The following CACNA1C variants were observed in gnomAD, a reference collection of about 807,000 sequenced individuals.
The protein encoded by CACNA1C is voltage-dependent L-type calcium channel subunit alpha-1C.
In CACNA1C, 30 loss-of-function variants were observed where a neutral mutation model predicts 229.0. The ratio of observed to expected loss-of-function variants is 0.13; its 90% CI spans 0.10 to 0.18. The LOEUF (loss-of-function observed/expected upper bound fraction) is 0.18, where lower values mean the gene tolerates loss of function less well. Ranked by LOEUF, CACNA1C falls within the 10% of genes least tolerant of loss-of-function variation. The probability of loss-of-function intolerance (pLI) is 1.00; values close to 1 mark genes in which losing one functional copy is unlikely to be tolerated. For synonymous variants in CACNA1C, 1,114 were observed against 1,132.5 expected (o/e 0.98, Z 0.33); for missense variants, 1,658 against 2,845.0 (o/e 0.58, Z 9.49).
rs139887818 is a variant in CACNA1C at position 2,364,916 on chromosome 12, A to G, written c.478-84060A>G. Among the ~76,000 whole-genome samples the G allele has an allele frequency of 2.8e-3, 420 of 152,352 alleles. 2 individuals are homozygous for G. The highest frequency in any genetic ancestry group is 0.014 in the Middle Eastern group (4 of 294). ...TAGAACAAGCAGGGGCTTGCAGAGA[A>G]TGAGAATACCACATGGGCCTCTGCG... On this transcript the variant is annotated intron_variant, in intron 3 of 46. Coordinates refer to ENST00000399655, the MANE Select transcript of CACNA1C (RefSeq NM_000719.7).
intron 3 of CACNA1C, among the ~76,000 whole-genome samples, chr12:2,396,760 A>G (rs986962199): frequency 6.6e-6 from 1 of 152,258 alleles, no homozygotes; most frequent in African/African-American, 2.4e-5. Flanking sequence ...TTAATGTTTC[A>G]TTAGCGGTTT....
At chr12:2,376,523 G>A (rs1280767413) in intron 3 of CACNA1C, among the ~76,000 whole-genome samples, 3 of 152,174 alleles carry the variant, frequency 2.0e-5, no homozygotes, top group Non-Finnish European at 2.9e-5. Context: ...GCACAGCTTA[G>A]GCGGACAGGT....
intron 3 of CACNA1C, among the ~76,000 whole-genome samples, chr12:2,207,684 T>A (rs1262538507): frequency 6.6e-6 from 1 of 152,034 alleles, no homozygotes; most frequent in Non-Finnish European, 1.5e-5. Context: ...TGTGGTGGTG[T>A]GCACCTGTAG....
At chr12:2,148,405 T>C (rs1301338011) in intron 3 of CACNA1C, among the ~76,000 whole-genome samples, 1 of 151,384 alleles carries the variant, frequency 6.6e-6, no homozygotes, top group East Asian at 1.9e-4. Flanking sequence ...CACATTTGTA[T>C]ATTTGATCAA....
chr12:2,479,736 T>C lies in CACNA1C; in HGVS notation c.758-6368T>C, dbSNP rs1397157390. 6.6e-6 allele frequency among the ~76,000 whole-genome samples: 1 copy of C among 152,318 alleles called. No individual in the cohort carries two copies. The highest frequency in any genetic ancestry group is 1.9e-4 in the East Asian group (1 of 5,174). On this transcript the variant is annotated intron_variant, in intron 5 of 46. Transcript: ENST00000399655. The surrounding 1 kb of genome is among the most constrained non-coding windows in gnomAD (Gnocchi z 4.3). The stretch of plus-strand genomic sequence containing the variant: ...AATGCTGGCTTGAAGCACAGCAGAA[T>C]CCAGAGTCAGCCCCACTCCTGGGAA...
chr12:2,265,557 A>G (rs2082070945), intron 3 of CACNA1C, among the ~76,000 whole-genome samples: 1 of 152,016 alleles, frequency 6.6e-6, no homozygotes, highest in Non-Finnish European at 1.5e-5. Flanking sequence ...AGATAGTCCA[A>G]CCTCTTTGTT....
At chr12:2,364,809 AC>A (rs1348081903) in intron 3 of CACNA1C, among the ~76,000 whole-genome samples, 1 of 152,216 alleles carries the variant, frequency 6.6e-6, no homozygotes, top group Non-Finnish European at 1.5e-5. Flanking sequence ...GAGGTCAGCC[AC>A]AGACACCTCA....
At chr12:2,058,288 C>T (rs999709806) in intron 1 of CACNA1C, among the ~76,000 whole-genome samples, 6 of 152,180 alleles carry the variant, frequency 3.9e-5, no homozygotes, top group Non-Finnish European at 5.9e-5. Flanking sequence ...GGTCAGCCGG[C>T]GTCATCTCAC....
intron 5 of CACNA1C, among the ~76,000 whole-genome samples, chr12:2,476,572 T>C (rs568612807): frequency 6.6e-6 from 1 of 152,374 alleles, no homozygotes; most frequent in South Asian, 2.1e-4. Context: ...TTGTCTGCCT[T>C]TCACCATATG....
intron 3 of CACNA1C, among the ~76,000 whole-genome samples, chr12:2,218,141 G>T (rs2060460151): frequency 6.6e-6 from 1 of 152,092 alleles, no homozygotes; most frequent in African/African-American, 2.4e-5. Flanking sequence ...TGGGTTTTGG[G>T]GTCTCTGGGC....
rs2081085950 is a variant in CACNA1C, at chr12:2,617,183, T to C, written c.3828+5170T>C. Among the ~76,000 whole-genome samples the C allele has an allele frequency of 2.0e-5, 3 of 152,336 alleles. 1 individual carries two copies. In the Middle Eastern group the frequency reaches 0.01, roughly 518 times the overall value. ...CCTGAGGAATCCATCAACGAGGCCCTGGGCACTTCCTTTATCGAGAGTGAG... is the reference window on the plus strand; with the variant it reads ...CCTGAGGAATCCATCAACGAGGCCCCGGGCACTTCCTTTATCGAGAGTGAG... On this transcript the variant is annotated intron_variant, in intron 29 of 46. Transcript: ENST00000399655.
chr12:2,287,652 A>G lies in CACNA1C; in HGVS notation c.478-161324A>G, dbSNP rs1186726445. ...ATCTGGGATCATTTAACAAAAAACA[A>G]TGCCAGGATCCTACAGTCTACTCCA... is the stretch of plus-strand genomic sequence containing the variant. On this transcript the variant is annotated intron_variant, in intron 3 of 46. Coordinates refer to ENST00000399655, the MANE Select transcript of CACNA1C (RefSeq NM_000719.7). This position sits in a 1 kb window ranked among gnomAD's most constrained non-coding sequence, Gnocchi z 4.6. Among the ~76,000 whole-genome samples the G allele has an allele frequency of 4.6e-5, 7 of 152,304 alleles. No homozygotes were observed. The South Asian group carries it at 8.3e-4, about 18-fold the overall frequency.
At chr12:2,341,990 C>T (rs955646017) in intron 3 of CACNA1C, among the ~76,000 whole-genome samples, 4 of 152,146 alleles carry the variant, frequency 2.6e-5, no homozygotes, top group East Asian at 3.8e-4. Context: ...GGGTATGCTT[C>T]GACCCAACCT....
rs908645340 is a variant in CACNA1C, at chr12:2,695,791, T to C, written c.*4592T>C. On this transcript the variant is annotated 3_prime_UTR_variant, in exon 47 of 47. Transcript: ENST00000399655. The stretch of plus-strand genomic sequence containing the variant: ...TTAACTTCATTCATCAATTTATTCT[T>C]ATGTCAAAGCAATGAAACTTTTCTT... 6.6e-6 allele frequency: 1 copy of C among 152,220 alleles called. No homozygotes were observed. Among genetic ancestry groups the C allele is most frequent in the African/African-American group, 2.4e-5 (1 of 41,452 alleles). The allele number at this position is 152,220 out of a possible 1,614,324, so 9.4% of individuals were successfully genotyped here. A position where few individuals can be genotyped will look rare whatever the true frequency, so the allele number is the denominator to read the frequency against.
intron 3 of CACNA1C, among the ~76,000 whole-genome samples, chr12:2,351,500 C>T (rs2097201250): frequency 6.6e-6 from 1 of 152,228 alleles, no homozygotes; most frequent in Non-Finnish European, 1.5e-5. Context: ...GTTGCCCTGT[C>T]AGCAATGGGT....
intron 3 of CACNA1C, among the ~76,000 whole-genome samples, chr12:2,435,092 C>G (rs2099121446): frequency 6.6e-6 from 1 of 152,140 alleles, no homozygotes; most frequent in Non-Finnish European, 1.5e-5. Context: ...AGAGGCTTTC[C>G]CCCACCGTGC....
intron 1 of CACNA1C, among the ~76,000 whole-genome samples, chr12:2,098,400 C>T (rs2075137970): frequency 6.6e-6 from 1 of 152,160 alleles, no homozygotes; most frequent in Non-Finnish European, 1.5e-5. Flanking sequence ...TTTGTCGTGC[C>T]TTAGTGAGAA....
chr12:2,145,415 C>T (rs1190807774), intron 3 of CACNA1C, among the ~76,000 whole-genome samples: 1 of 151,088 alleles, frequency 6.6e-6, no homozygotes. Flanking sequence ...TGTTTTATCT[C>T]AAACATTTGT....
In CACNA1C at chr12:2,567,690, T is replaced by C. The variant is rs753248649; in HGVS notation, c.1791T>C (p.Cys597=). Residue 597 remains cysteine, a synonymous_variant, in exon 13 of 47, where the codon TGT becomes TGC. Coordinates refer to ENST00000399655, the MANE Select transcript of CACNA1C (RefSeq NM_000719.7). ...ACCGCTTTGACTGCTTCGTCGTGTG[T>C]GGCGGCATCCTGGAGACCATCCTGG... ...LFNRFDCFVV[C]GGILETILVE... 2.5e-6 allele frequency: 4 copies of C among 1,613,770 alleles called. No homozygotes were observed. In the South Asian group the frequency reaches 4.4e-5, roughly 18 times the overall value.
Sources: allele counts gnomAD v4.1 joint callset (sites outside exome capture counted in the v4.1 genomes callset), GRCh38; gene constraint gnomAD v4.1.1; non-coding constraint Gnocchi (gnomAD v3.1); transcripts MANE v1.5; gene names NCBI Gene and HGNC (gene_info 2026-07-23, HGNC 2026-07-21).